UNC13C: variants seen among roughly 807,000 people sequenced by gnomAD.
UNC13C encodes the protein unc-13 homolog C, also known as protein unc-13 homolog C.
Under a neutral mutation model 245.4 loss-of-function variants are expected in UNC13C, and 174 were observed. That is an observed-to-expected ratio of 0.71 (90% confidence interval 0.63 to 0.80). UNC13C has a LOEUF of 0.80. UNC13C is among the 30% of genes least tolerant of loss of function. The pLI is 0.00. For synonymous variants in UNC13C, 992 were observed against 895.1 expected (o/e 1.11, Z -1.93); for missense variants, 2,829 against 2,602.9 (o/e 1.09, Z -1.89).
intron 4 of UNC13C, among the ~76,000 whole-genome samples, chr15:54,226,632 A>G (rs1445100521): frequency 6.6e-6 from 1 of 152,172 alleles, no homozygotes; most frequent in Non-Finnish European, 1.5e-5. Context: ...CCAGGTGCAG[A>G]GTGGCAAGGG....
chr15:53,961,248 G>T, the UNC13C span, among the ~76,000 whole-genome samples: 1 of 152,330 alleles, frequency 6.6e-6, no homozygotes, highest in South Asian at 2.1e-4. Flanking sequence ...GCACAGCACC[G>T]GACCATGAAG....
intron 4 of UNC13C, among the ~76,000 whole-genome samples, chr15:54,229,122 G>A (rs986036002): frequency 3.9e-5 from 6 of 152,130 alleles, no homozygotes; most frequent in African/African-American, 1.4e-4. Flanking sequence ...GCTGTGACAG[G>A]ACAGCATTGA....
At chr15:54,303,420 T>A (rs1266725239) in intron 13 of UNC13C, among the ~76,000 whole-genome samples, 1 of 152,132 alleles carries the variant, frequency 6.6e-6, no homozygotes, top group Non-Finnish European at 1.5e-5. Flanking sequence ...GTTAAATTTA[T>A]TCTAAAATAT....
intron 9 of UNC13C, among the ~76,000 whole-genome samples, chr15:54,264,620 G>C (rs1450253747): frequency 6.7e-6 from 1 of 150,056 alleles, no homozygotes; most frequent in Non-Finnish European, 1.5e-5. Context: ...ATAGGAAAAA[G>C]TTTCTGTTTT....
chr15:54,432,498 T>C (rs2040892097), intron 19 of UNC13C, among the ~76,000 whole-genome samples: 2 of 151,976 alleles, frequency 1.3e-5, no homozygotes, highest in Admixed American at 6.6e-5. Flanking sequence ...CCTGAATGAC[T>C]ACTGGGTAAA....
rs1895455703 is a variant in UNC13C, at chr15:54,013,112, C to T, written c.209C>T (p.Ser70Leu). 1 of 1,613,774 alleles carries T rather than the reference C, an allele frequency of 6.2e-7. No homozygotes were observed. The highest frequency in any genetic ancestry group is 1.3e-5 in the African/African-American group (1 of 74,918). Residue 70 changes from serine (S) to leucine (L), a missense_variant, in exon 2 of 33, where the codon TCA becomes TTA. Coordinates refer to ENST00000260323, the MANE Select transcript of UNC13C (RefSeq NM_001080534.3). ...ACTGTAAAGAAGATTGCAAAGTGTTCATCCACTCACAACTTATCCACTGAG... is the reference window on the plus strand; with the variant it reads ...ACTGTAAAGAAGATTGCAAAGTGTTTATCCACTCACAACTTATCCACTGAG... ...KSTVKKIAKC[S>L]STHNLSTEED... is the part of the protein sequence containing the mutation.
intron 12 of UNC13C, among the ~76,000 whole-genome samples, chr15:54,299,721 C>T (rs927082146): frequency 9.2e-5 from 14 of 152,116 alleles, no homozygotes; most frequent in Admixed American, 4.6e-4. Flanking sequence ...GTATCATTTG[C>T]ATCAGGGAGT....
At chr15:54,480,263 T>C (rs1362568088) in intron 19 of UNC13C, among the ~76,000 whole-genome samples, 1 of 151,624 alleles carries the variant, frequency 6.6e-6, no homozygotes, top group Non-Finnish European at 1.5e-5. Flanking sequence ...CTTTATTATT[T>C]ATTTATTATT....
chr15:54,303,027 G>A (rs574422315), intron 13 of UNC13C, among the ~76,000 whole-genome samples: 1 of 151,924 alleles, frequency 6.6e-6, no homozygotes, highest in African/African-American at 2.4e-5. Flanking sequence ...AAGATATATA[G>A]ATTCTTAGAT....
At chr15:53,910,547 G>A in the UNC13C span, among the ~76,000 whole-genome samples, 1 of 146,552 alleles carries the variant, frequency 6.8e-6, no homozygotes, top group East Asian at 2.0e-4. Context: ...GTGCGCTGGC[G>A]CCCAGAGAAA....
chr15:54,533,528 T>G (rs1485447889), intron 26 of UNC13C, among the ~76,000 whole-genome samples: 1 of 152,168 alleles, frequency 6.6e-6, no homozygotes, highest in Admixed American at 6.6e-5. Context: ...GACCCAACCT[T>G]CAATAACGAT....
chr15:54,249,475 G>A (rs932182540), intron 7 of UNC13C, among the ~76,000 whole-genome samples: 2 of 152,128 alleles, frequency 1.3e-5, no homozygotes. Context: ...TCCAGGGACA[G>A]TGATAAGCTG....
chr15:54,423,569 C>T (rs528723239), intron 19 of UNC13C, among the ~76,000 whole-genome samples: 7 of 151,764 alleles, frequency 4.6e-5, no homozygotes, highest in South Asian at 2.1e-4. Flanking sequence ...TTAAGATATT[C>T]ATGGTGAATG....
chr15:54,399,193 A>G (rs1213984141), intron 18 of UNC13C, among the ~76,000 whole-genome samples: 1 of 151,658 alleles, frequency 6.6e-6, no homozygotes, highest in Non-Finnish European at 1.5e-5. Context: ...TAAGAAATAC[A>G]GGAGGAAGTA....
chr15:53,938,980 C>G, the UNC13C span, among the ~76,000 whole-genome samples: 4 of 151,712 alleles, frequency 2.6e-5, no homozygotes, highest in Admixed American at 2.6e-4. Flanking sequence ...TAGCAGAAGA[C>G]AAGAAATAAT....
At chr15:54,193,623 T>G (rs1332287274) in intron 4 of UNC13C, among the ~76,000 whole-genome samples, 3 of 152,162 alleles carry the variant, frequency 2.0e-5, no homozygotes, top group Non-Finnish European at 2.9e-5. Context: ...CATTCTGTTT[T>G]ACTCTTTTCA....
intron 19 of UNC13C, among the ~76,000 whole-genome samples, chr15:54,460,511 T>G (rs1190286627): frequency 6.6e-6 from 1 of 151,990 alleles, no homozygotes; most frequent in African/African-American, 2.4e-5. Flanking sequence ...ATGGCTGGAG[T>G]TGGTTGGCCT....
intron 11 of UNC13C, among the ~76,000 whole-genome samples, chr15:54,296,906 G>T (rs886188030): frequency 6.6e-6 from 1 of 152,160 alleles, no homozygotes; most frequent in Non-Finnish European, 1.5e-5. Flanking sequence ...CAAAGCTATT[G>T]CTCAGTTTAT....
chr15:54,262,556 A>C (rs902285272), intron 8 of UNC13C, among the ~76,000 whole-genome samples: 2 of 152,366 alleles, frequency 1.3e-5, no homozygotes, highest in Admixed American at 6.5e-5. Flanking sequence ...ATATTGATAA[A>C]TTAAAAACAT....
Sources: allele counts gnomAD v4.1 joint callset (sites outside exome capture counted in the v4.1 genomes callset), GRCh38; gene constraint gnomAD v4.1.1; transcripts MANE v1.5; gene names NCBI Gene and HGNC (gene_info 2026-07-23, HGNC 2026-07-21).